DACH1: variants seen among roughly 807,000 people sequenced by gnomAD.
The protein encoded by DACH1 is dachshund homolog 1.
In DACH1, 12 loss-of-function variants were observed where a neutral mutation model predicts 54.2. The observed-to-expected ratio is 0.22, with a 90% CI of 0.14 to 0.36. DACH1 has a LOEUF of 0.36. Among genes scored for constraint, DACH1 ranks in the 10% least tolerant of loss-of-function variants. The pLI, the probability that DACH1 is intolerant of heterozygous loss-of-function variation, is 1.00. For synonymous variants in DACH1, 386 were observed against 366.2 expected (o/e 1.05, Z -0.62); for missense variants, 805 against 929.8 (o/e 0.87, Z 1.75).
intron 2 of DACH1, among the ~76,000 whole-genome samples, chr13:71,679,218 C>T (rs1157944836): frequency 5.3e-5 from 8 of 152,040 alleles, no homozygotes. Flanking sequence ...TTCACCAAGC[C>T]GGCAAGTGCA....
intron 1 of DACH1, among the ~76,000 whole-genome samples, chr13:71,822,762 T>C (rs560177466): frequency 4.6e-5 from 7 of 152,278 alleles, no homozygotes; most frequent in African/African-American, 1.7e-4. Flanking sequence ...AAGTGGCTAA[T>C]AGTTCACTAG....
intron 1 of DACH1, among the ~76,000 whole-genome samples, chr13:71,805,077 C>T (rs928259458): frequency 3.9e-5 from 6 of 152,100 alleles, no homozygotes; most frequent in South Asian, 4.1e-4. Context: ...ATTTCAAGTG[C>T]TCAATACTCA....
At chr13:71,691,237 G>A (rs1881462302) in intron 1 of DACH1, among the ~76,000 whole-genome samples, 1 of 152,106 alleles carries the variant, frequency 6.6e-6, no homozygotes, top group Admixed American at 6.5e-5. Flanking sequence ...ACTTTCCTTT[G>A]TAGGAGATGC....
chr13:71,728,958 C>T (rs1883608164), intron 1 of DACH1, among the ~76,000 whole-genome samples: 1 of 151,884 alleles, frequency 6.6e-6, no homozygotes, highest in South Asian at 2.1e-4. Flanking sequence ...TAATCAGCTT[C>T]CTTACTCAGT....
intron 2 of DACH1, among the ~76,000 whole-genome samples, chr13:71,651,883 A>G (rs1490058184): frequency 1.3e-5 from 2 of 152,202 alleles, no homozygotes; most frequent in Non-Finnish European, 2.9e-5. Flanking sequence ...GTGTTCAGAA[A>G]GATTATATCT....
At chr13:71,837,356 T>C (rs12584432) in intron 1 of DACH1, among the ~76,000 whole-genome samples, 12,970 of 152,020 alleles carry the variant, frequency 0.085, 1,019 homozygotes, top group East Asian at 0.48. Flanking sequence ...TTTATACATA[T>C]TCTGTAATAG....
intron 1 of DACH1, among the ~76,000 whole-genome samples, chr13:71,745,425 C>A (rs929310772): frequency 3.9e-5 from 6 of 152,170 alleles, no homozygotes; most frequent in Non-Finnish European, 8.8e-5. Flanking sequence ...GCAATAATTT[C>A]TTGCTACTTG....
At chr13:71,659,936 G>A (rs1879383616) in intron 2 of DACH1, among the ~76,000 whole-genome samples, 1 of 152,038 alleles carries the variant, frequency 6.6e-6, no homozygotes, top group Admixed American at 6.6e-5. Flanking sequence ...TATGTGTTGT[G>A]TGTATTTGAG....
At chr13:71,586,510 T>C (rs1010554887) in intron 3 of DACH1, among the ~76,000 whole-genome samples, 3 of 152,126 alleles carry the variant, frequency 2.0e-5, no homozygotes, top group Middle Eastern at 3.2e-3. Flanking sequence ...AACAGTGTAA[T>C]ACTCTGACAT....
chr13:71,493,288 C>T (rs185666708), intron 6 of DACH1, among the ~76,000 whole-genome samples: 7 of 152,120 alleles, frequency 4.6e-5, no homozygotes, highest in Non-Finnish European at 8.8e-5. Context: ...CCTGTGGAGA[C>T]GTACATGCAA....
intron 1 of DACH1, among the ~76,000 whole-genome samples, chr13:71,842,303 G>A (rs148175514): frequency 3.9e-5 from 6 of 152,156 alleles, no homozygotes; most frequent in African/African-American, 7.2e-5. Flanking sequence ...ATGGTCGGGC[G>A]TGGTGGCTCA....
chr13:71,661,305 T>C (rs1879467855), intron 2 of DACH1, among the ~76,000 whole-genome samples: 2 of 151,584 alleles, frequency 1.3e-5, no homozygotes, highest in South Asian at 2.1e-4. Context: ...TTAATTTTTA[T>C]TAGGTAAAAT....
chr13:71,462,394 T>TTGA (rs1450185317), intron 10 of DACH1, among the ~76,000 whole-genome samples: 3 of 151,884 alleles, frequency 2.0e-5, no homozygotes, highest in Non-Finnish European at 4.4e-5. Context: ...ATTGTTTTAA[T>TTGA]TGATGTAATT....
intron 1 of DACH1, among the ~76,000 whole-genome samples, chr13:71,851,385 AAAT>A (rs1159803256): frequency 4.6e-5 from 7 of 152,212 alleles, no homozygotes; most frequent in African/African-American, 1.7e-4. Context: ...TATAACTAGT[AAAT>A]AATGATGTTA....
intron 1 of DACH1, among the ~76,000 whole-genome samples, chr13:71,810,067 C>G (rs191089407): frequency 6.6e-6 from 1 of 152,082 alleles, no homozygotes; most frequent in Admixed American, 6.6e-5. Flanking sequence ...AAAGAGAAAG[C>G]TGATTTTGAA....
intron 2 of DACH1, among the ~76,000 whole-genome samples, chr13:71,668,072 T>C (rs1879962465): frequency 6.6e-6 from 1 of 152,036 alleles, no homozygotes; most frequent in Non-Finnish European, 1.5e-5. Flanking sequence ...CATTTTCAAA[T>C]TTAGAAAATA....
Position 71,549,060 on chromosome 13 carries a change from A to G in DACH1, c.1570+7964T>C, listed in dbSNP as rs74095973. On this transcript the variant is annotated intron_variant, in intron 6 of 10. Transcript: ENST00000613252. ...CTATGCAAACTATCAACTGGAAACTAGCAAAACTGAAAGAAATCTACTAGC... is the reference window on the plus strand; with the variant it reads ...CTATGCAAACTATCAACTGGAAACTGGCAAAACTGAAAGAAATCTACTAGC... Among the ~76,000 whole-genome samples, 1,190 of 152,266 alleles carry G rather than the reference A, an allele frequency of 7.8e-3. 15 individuals carry two copies. Among genetic ancestry groups the G allele is most frequent in the African/African-American group, 0.027 (1,103 of 41,576 alleles).
intron 10 of DACH1, among the ~76,000 whole-genome samples, chr13:71,456,262 T>C (rs887830129): frequency 4.6e-5 from 7 of 152,222 alleles, no homozygotes; most frequent in Middle Eastern, 3.4e-3. Flanking sequence ...TAAATGTGCA[T>C]ATATTTAGAA....
At chr13:71,635,535 TAA>T (rs1393997198) in intron 2 of DACH1, among the ~76,000 whole-genome samples, 1 of 152,140 alleles carries the variant, frequency 6.6e-6, no homozygotes, top group Non-Finnish European at 1.5e-5. Context: ...CAAAATAACT[TAA>T]GTCTTTGGTC....
Sources: allele counts gnomAD v4.1 joint callset (sites outside exome capture counted in the v4.1 genomes callset), GRCh38; gene constraint gnomAD v4.1.1; transcripts MANE v1.5; gene names NCBI Gene and HGNC (gene_info 2026-07-23, HGNC 2026-07-21).